ZMYM2: variants seen among roughly 807,000 people sequenced by gnomAD.
ZMYM2 encodes the protein zinc finger MYM-type containing 2.
Under a neutral mutation model 162.8 loss-of-function variants are expected in ZMYM2, and 56 were observed. The observed-to-expected ratio is 0.34, with a 90% CI of 0.28 to 0.43. The LOEUF (loss-of-function observed/expected upper bound fraction) is 0.43, where lower values mean the gene tolerates loss of function less well. ZMYM2 is among the 20% of genes least tolerant of loss of function. The probability of loss-of-function intolerance (pLI) is 1.00; values close to 1 mark genes in which losing one functional copy is unlikely to be tolerated. For missense variants in ZMYM2, 1,275 were observed against 1,621.8 expected, an observed-to-expected ratio of 0.79 and a Z score of 3.67; for synonymous variants, 510 against 541.6, an observed-to-expected ratio of 0.94 and a Z score of 0.81.
chr13:20,030,920 A>G (rs1287162346), intron 9 of ZMYM2, among the ~76,000 whole-genome samples: 1 of 152,162 alleles, frequency 6.6e-6, no homozygotes, highest in African/African-American at 2.4e-5. Flanking sequence ...TAGATATTTG[A>G]TGATTATTGG....
At chr13:19,965,343 C>G (rs953445983) in intron 2 of ZMYM2, 5 of 877,930 alleles carry the variant, frequency 5.7e-6, no homozygotes, top group Non-Finnish European at 8.0e-6. Context: ...GACTTCTCTT[C>G]TAATACTGGA....
chr13:19,886,486 A>G, the ZMYM2 span, among the ~76,000 whole-genome samples: 1 of 151,774 alleles, frequency 6.6e-6, no homozygotes, highest in South Asian at 2.1e-4. Context: ...TTTTCAAGAT[A>G]GTGACAGCAG....
Position 20,003,713 on chromosome 13 carries a change from GCCTCCACCTCCTGGGT to G in ZMYM2, c.1133+595_1133+610del, listed in dbSNP as rs373629907. The stretch of plus-strand genomic sequence containing the variant: ...AATGGTGCGATCTCAGCTCACTGCA[GCCTCCACCTCCTGGGT>G]CCTCCACCTCCTGGGTTCAAGCAGT... On this transcript the variant is annotated intron_variant, in intron 4 of 24. Transcript: ENST00000610343. Among the ~76,000 whole-genome samples, 175 of 151,380 alleles carry G rather than the reference GCCTCCACCTCCTGGGT, an allele frequency of 1.2e-3. 1 individual carries two copies. In the Middle Eastern group the frequency reaches 0.017, roughly 15 times the overall value.
the ZMYM2 span, among the ~76,000 whole-genome samples, chr13:19,906,284 GTATATATATA>G: frequency 1.9e-3 from 119 of 63,790 alleles, 1 homozygote; most frequent in South Asian, 0.016. Context: ...TCAAAAAAAA[GTATATATATA>G]TATATATATA....
Position 20,077,186 on chromosome 13 carries a change from A to G in ZMYM2, c.3454-4830A>G, listed in dbSNP as rs1957566853. Among the ~76,000 whole-genome samples the G allele has an allele frequency of 2.0e-5, 3 of 150,758 alleles. 1 individual carries two copies. Among genetic ancestry groups the G allele is most frequent in the African/African-American group, 7.5e-5 (3 of 40,056 alleles). The stretch of plus-strand genomic sequence containing the variant: ...AACATTAAGTGCTGTTGTATGCTGG[A>G]TACTGGACATTGGAGTAGGCTTTGG... On this transcript the variant is annotated intron_variant, in intron 21 of 24. Transcript: ENST00000610343.
chr13:19,923,465 A>C, the ZMYM2 span, among the ~76,000 whole-genome samples: 1 of 150,866 alleles, frequency 6.6e-6, no homozygotes, highest in African/African-American at 2.4e-5. Context: ...CTTTTCTACA[A>C]TGTATCAAAG....
the ZMYM2 span, among the ~76,000 whole-genome samples, chr13:19,889,383 A>G: frequency 6.6e-6 from 1 of 151,984 alleles, no homozygotes. Flanking sequence ...CAATGGCGCA[A>G]TCTTGGCTCA....
At chr13:20,067,908 C>CA (rs906483277) in intron 21 of ZMYM2, among the ~76,000 whole-genome samples, 4 of 152,108 alleles carry the variant, frequency 2.6e-5, no homozygotes, top group African/African-American at 7.2e-5. Context: ...AAAGAATCTC[C>CA]AACTTGACAT....
At chr13:19,945,653 C>T in the ZMYM2 span, among the ~76,000 whole-genome samples, 1 of 152,028 alleles carries the variant, frequency 6.6e-6, no homozygotes, top group Non-Finnish European at 1.5e-5. Context: ...TTAGCTTCTA[C>T]CTTTTGTGAA....
intron 17 of ZMYM2, 133 bp downstream of exon 17, chr13:20,061,357 T>TG: frequency 1.2e-6 from 1 of 845,024 alleles, no homozygotes; most frequent in South Asian, 3.0e-5. Flanking sequence ...GTAACAAAAA[T>TG]GTTTTTTATA....
the ZMYM2 span, among the ~76,000 whole-genome samples, chr13:19,914,212 G>A: frequency 6.6e-6 from 1 of 152,216 alleles, no homozygotes; most frequent in Non-Finnish European, 1.5e-5. Flanking sequence ...GGCAAAAAAT[G>A]TGAAGATATT....
intron 21 of ZMYM2, among the ~76,000 whole-genome samples, chr13:20,068,974 A>G (rs1265192543): frequency 2.6e-5 from 4 of 152,106 alleles, no homozygotes; most frequent in Admixed American, 2.0e-4. Flanking sequence ...TAAAACTTTT[A>G]AAATCAATAA....
At chr13:19,865,814 A>G in the ZMYM2 span, among the ~76,000 whole-genome samples, 1 of 152,344 alleles carries the variant, frequency 6.6e-6, no homozygotes, top group East Asian at 1.9e-4. Context: ...ATTTAGGAAA[A>G]AAAAGTCTTC....
rs141937679 is a variant in ZMYM2 at position 20,029,147 on chromosome 13, C to T, written c.1851+1829C>T. 2.5e-3 allele frequency among the ~76,000 whole-genome samples: 388 copies of T among 152,210 alleles called. 1 individual carries two copies. The highest frequency in any genetic ancestry group is 0.017 in the Middle Eastern group (5 of 294). ...AAATAGAAGTTTGTTTCTCATAGTC[C>T]GGAGGTTAGTAAGTCCAAGATAAGG... On this transcript the variant is annotated intron_variant, in intron 9 of 24. Coordinates refer to ENST00000610343, the MANE Select transcript of ZMYM2 (RefSeq NM_197968.4).
In ZMYM2 at chr13:20,075,670, C is replaced by CT. The variant is rs56664916; in HGVS notation, c.3454-6314dup. Among the ~76,000 whole-genome samples the CT allele has an allele frequency of 3.4e-3, 259 of 75,698 alleles. 22 individuals are homozygous for CT. The highest frequency in any genetic ancestry group is 0.013 in the African/African-American group (240 of 18,432). The allele number at this position is 75,698 out of a possible 152,430, so 49.7% of individuals were successfully genotyped here. A position where few individuals can be genotyped will look rare whatever the true frequency, so the allele number is the denominator to read the frequency against. Reference sequence around the variant, plus strand: ...TTATTATGAATAGAACTATAGACACCTTTTTTTTTTTTTTTTTTTTTTTTT... The same window carrying CT: ...TTATTATGAATAGAACTATAGACACCTTTTTTTTTTTTTTTTTTTTTTTTTT... On this transcript the variant is annotated intron_variant, in intron 21 of 24. Transcript: ENST00000610343.
chr13:19,959,908 C>G (rs1435616276), intron 1 of ZMYM2, 50 bp from the exon 2 acceptor site: 1 of 152,306 alleles, frequency 6.6e-6, no homozygotes, highest in Non-Finnish European at 1.5e-5. Flanking sequence ...TGGGTTCTCC[C>G]ACCAGGTTGT....
chr13:19,876,996 G>C, the ZMYM2 span, among the ~76,000 whole-genome samples: 1 of 151,996 alleles, frequency 6.6e-6, no homozygotes, highest in Non-Finnish European at 1.5e-5. Context: ...AGGCCGAGGC[G>C]GGCGGATCAC....
At chr13:19,882,369 G>C in the ZMYM2 span, among the ~76,000 whole-genome samples, 5 of 152,138 alleles carry the variant, frequency 3.3e-5, no homozygotes, top group Non-Finnish European at 7.3e-5. Flanking sequence ...TTAAGGACTT[G>C]AATAGACATG....
chr13:20,031,574 T>G lies in ZMYM2; in HGVS notation c.1968+139T>G, dbSNP rs540721968. 5.3e-5 allele frequency: 32 copies of G among 600,686 alleles called. No individual in the cohort carries two copies. In the African/African-American group the frequency reaches 5.7e-4, roughly 11 times the overall value. The allele number at this position is 600,686 out of a possible 1,614,324, so 37.2% of individuals were successfully genotyped here. A position where few individuals can be genotyped will look rare whatever the true frequency, so the allele number is the denominator to read the frequency against. ...AGATTTTTTTTTATGATTGGATTAT[T>G]TATTCTCATGTGGGAGTGGAAAACC... On this transcript the variant is annotated intron_variant, in intron 10 of 24. Transcript: ENST00000610343.
Sources: gnomAD v4.1 joint callset for allele counts (sites outside exome capture counted in the v4.1 genomes callset) on GRCh38, gnomAD v4.1.1 for gene constraint, MANE v1.5 for transcripts, NCBI Gene and HGNC (gene_info 2026-07-23, HGNC 2026-07-21) for gene names.